The following NDST3 variants were observed in gnomAD, a reference collection of about 807,000 sequenced individuals.
NDST3 encodes N-deacetylase and N-sulfotransferase 3.
NDST3 carries 58 observed loss-of-function variants against 96.1 expected under a neutral mutation model. The ratio of observed to expected loss-of-function variants is 0.60; its 90% confidence interval spans 0.49 to 0.75. The LOEUF (loss-of-function observed/expected upper bound fraction) is 0.75, where lower values mean the gene tolerates loss of function less well. Among genes scored for constraint, NDST3 ranks in the 30% least tolerant of loss-of-function variants. NDST3 has a pLI of 0.00. For missense variants in NDST3, 788 were observed against 1,034.2 expected (o/e 0.76, Z 3.27); for synonymous variants, 333 against 359.7 (o/e 0.93, Z 0.84).
chr4:118,054,174 C>T lies in NDST3; in HGVS notation c.264C>T (p.Tyr88=). The T allele has an allele frequency of 6.2e-7, 1 of 1,613,018 alleles. No homozygotes were observed. The highest frequency in any genetic ancestry group is 8.5e-7 in the Non-Finnish European group (1 of 1,179,378). Residue 88 remains tyrosine (Y), a synonymous_variant, in exon 2 of 14, where the codon TAC becomes TAT. Coordinates refer to ENST00000296499, the MANE Select transcript of NDST3 (RefSeq NM_004784.3). ...PTVLVFVESQ[Y]SSLGQDIIMI... The stretch of plus-strand genomic sequence containing the variant: ...TCCTAGTATTTGTAGAGAGCCAGTA[C>T]TCATCTCTTGGTCAAGACATCATTA...
intron 9 of NDST3, 134 bp downstream of exon 9, chr4:118,233,269 A>C: frequency 1.3e-6 from 1 of 775,312 alleles, no homozygotes; most frequent in Non-Finnish European, 1.8e-6. Flanking sequence ...AATTGATTGA[A>C]TATCATAAAG....
intron 3 of NDST3, among the ~76,000 whole-genome samples, chr4:118,111,121 C>T (rs554350440): frequency 6.6e-6 from 1 of 152,090 alleles, no homozygotes; most frequent in African/African-American, 2.4e-5. Context: ...ACATCGAGTA[C>T]TCATAGTCAT....
At chr4:118,223,833 G>A (rs950919139) in intron 6 of NDST3, among the ~76,000 whole-genome samples, 15 of 151,872 alleles carry the variant, frequency 9.9e-5, no homozygotes, top group Non-Finnish European at 2.1e-4. Context: ...CAGCATAAAC[G>A]TCACAATGGC....
intron 6 of NDST3, among the ~76,000 whole-genome samples, chr4:118,147,879 T>TA (rs1734066820): frequency 1.3e-5 from 2 of 152,202 alleles, no homozygotes; most frequent in Admixed American, 1.3e-4. Flanking sequence ...GTTGAATAAA[T>TA]AGACTCCAGG....
chr4:118,224,071 G>C (rs1419208250), intron 6 of NDST3, among the ~76,000 whole-genome samples: 1 of 152,112 alleles, frequency 6.6e-6, no homozygotes, highest in East Asian at 1.9e-4. Context: ...GCTTCCATAG[G>C]AAGAGTCAAT....
chr4:118,094,821 C>T (rs1292893915), intron 2 of NDST3, among the ~76,000 whole-genome samples: 1 of 151,536 alleles, frequency 6.6e-6, no homozygotes, highest in Non-Finnish European at 1.5e-5. Context: ...AAATAGATGG[C>T]TATAAATAAA....
intron 6 of NDST3, among the ~76,000 whole-genome samples, chr4:118,156,981 T>C (rs1734751007): frequency 6.6e-6 from 1 of 152,218 alleles, no homozygotes; most frequent in Non-Finnish European, 1.5e-5. Flanking sequence ...AGTCAATTTT[T>C]TAATGAACAA....
intron 3 of NDST3, among the ~76,000 whole-genome samples, chr4:118,112,159 C>A (rs1317750617): frequency 1.3e-5 from 2 of 151,592 alleles, no homozygotes; most frequent in African/African-American, 4.9e-5. Context: ...CTAACTCTTG[C>A]ATGATTCAAA....
At chr4:118,152,554 G>T (rs534686878) in intron 6 of NDST3, among the ~76,000 whole-genome samples, 86 of 152,216 alleles carry the variant, frequency 5.6e-4, no homozygotes, top group African/African-American at 2.0e-3. Context: ...GGGGCCTACT[G>T]TAAATATTTT....
rs553721700 is a variant in NDST3, at chr4:118,044,206, T to C, written c.-155-9550T>C. 4.6e-5 allele frequency among the ~76,000 whole-genome samples: 7 copies of C among 152,270 alleles called. No individual in the cohort carries two copies. In the South Asian group the frequency reaches 1.4e-3, roughly 32 times the overall value. ...AGTCAAAAACACCTCACAGGTAAAA[T>C]TGAAACGTAGAAATGGGAGGATATG... is the stretch of plus-strand genomic sequence containing the variant. On this transcript the variant is annotated intron_variant, in intron 1 of 13. Transcript: ENST00000296499.
chr4:118,081,521 T>G (rs927150981), intron 2 of NDST3, among the ~76,000 whole-genome samples: 4 of 152,172 alleles, frequency 2.6e-5, no homozygotes, highest in Non-Finnish European at 4.4e-5. Flanking sequence ...TGAAAATATG[T>G]GTGACAAGAT....
chr4:118,205,804 A>G (rs1738398448), intron 6 of NDST3, among the ~76,000 whole-genome samples: 1 of 138,700 alleles, frequency 7.2e-6, no homozygotes. Context: ...CAGTACAAAT[A>G]TACAGTACTG....
intron 2 of NDST3, among the ~76,000 whole-genome samples, chr4:118,083,125 T>C (rs10016011): frequency 0.036 from 5,519 of 152,240 alleles, 355 homozygotes; most frequent in African/African-American, 0.13. Flanking sequence ...TCAAGTACCA[T>C]GAATTATTTT....
chr4:118,228,092 T>C (rs1019938216), intron 8 of NDST3, among the ~76,000 whole-genome samples: 8 of 152,186 alleles, frequency 5.3e-5, no homozygotes, highest in African/African-American at 1.2e-4. Context: ...CCTCTCCTCA[T>C]TGATCCAGAA....
chr4:118,223,179 G>A (rs929609769), intron 6 of NDST3, among the ~76,000 whole-genome samples: 2 of 151,696 alleles, frequency 1.3e-5, no homozygotes, highest in African/African-American at 4.8e-5. Context: ...CACCTCCAAC[G>A]ACATTAGAAA....
intron 6 of NDST3, among the ~76,000 whole-genome samples, chr4:118,146,452 A>C (rs753224122): frequency 8.5e-5 from 13 of 152,220 alleles, no homozygotes; most frequent in Non-Finnish European, 1.6e-4. Flanking sequence ...CCCATATGTC[A>C]ACATAATATC....
chr4:118,093,471 T>C (rs569969241), intron 2 of NDST3, among the ~76,000 whole-genome samples: 82 of 151,982 alleles, frequency 5.4e-4, no homozygotes, highest in African/African-American at 1.7e-3. Flanking sequence ...TTATTGAACA[T>C]CAGTGATGGG....
intron 2 of NDST3, among the ~76,000 whole-genome samples, chr4:118,061,044 T>C (rs750832450): frequency 3.3e-5 from 5 of 152,164 alleles, no homozygotes; most frequent in Non-Finnish European, 5.9e-5. Flanking sequence ...CAGACAGTCA[T>C]GCCATTGACA....
intron 6 of NDST3, among the ~76,000 whole-genome samples, chr4:118,208,318 T>G (rs568829158): frequency 1.4e-5 from 2 of 144,216 alleles, no homozygotes; most frequent in East Asian, 3.9e-4. Context: ...TGCCAGCAGC[T>G]TTGGCAGTAG....
Sources: gnomAD v4.1 joint callset for allele counts (sites outside exome capture counted in the v4.1 genomes callset) on GRCh38, gnomAD v4.1.1 for gene constraint, MANE v1.5 for transcripts, NCBI Gene and HGNC (gene_info 2026-07-23, HGNC 2026-07-21) for gene names.